The following NCEH1 variants were observed in gnomAD, a reference collection of about 807,000 sequenced individuals.
NCEH1 encodes the protein neutral cholesterol ester hydrolase 1, also known as 2-acetyl MAGE hydrolase.
Under a neutral mutation model 25.4 loss-of-function variants are expected in NCEH1, and 9 were observed. That is an observed-to-expected ratio of 0.35 (90% CI 0.21 to 0.62). The LOEUF (loss-of-function observed/expected upper bound fraction) is 0.62. NCEH1 is among the 20% of genes least tolerant of loss of function. NCEH1 has a pLI of 0.72. For synonymous variants in NCEH1, 200 were observed against 199.8 expected (o/e 1.00, Z -0.01); for missense variants, 412 against 501.1 (o/e 0.82, Z 1.70).
Position 172,634,179 on chromosome 3 carries a change from C to T in NCEH1, c.610-87G>A, listed in dbSNP as rs1021488143. ...CCCTGTAGAGTAGCTTCATGTGTTACTCTGAATCTGTCAATGGTATAAGTG... is the reference window on the plus strand; with the variant it reads ...CCCTGTAGAGTAGCTTCATGTGTTATTCTGAATCTGTCAATGGTATAAGTG... On this transcript the variant is annotated intron_variant, in intron 4 of 4. Coordinates refer to ENST00000475381, the MANE Select transcript of NCEH1 (RefSeq NM_020792.6). 10 of 1,266,374 alleles carry T rather than the reference C, an allele frequency of 7.9e-6. No individual in the cohort carries two copies. The African/African-American group carries it at 1.0e-4, about 13-fold the overall frequency. 78.4% of individuals were successfully genotyped at this position (1,266,374 alleles called of 1,614,324 possible). A position where few individuals can be genotyped will look rare whatever the true frequency, so the allele number is the denominator to read the frequency against.
rs922212801 is a variant in NCEH1, at chr3:172,668,195, A to C, written c.139-20081T>G. 6.6e-5 allele frequency among the ~76,000 whole-genome samples: 10 copies of C among 152,186 alleles called. 1 individual carries two copies. Among genetic ancestry groups the C allele is most frequent in the Non-Finnish European group, 1.5e-4 (10 of 68,038 alleles). ...CAGCAGATAATTTCAGAGATGAGCA[A>C]TATATCTCCTATAATACACCAAAAG... is the stretch of plus-strand genomic sequence containing the variant. On this transcript the variant is annotated intron_variant, in intron 1 of 4. Coordinates refer to ENST00000475381, the MANE Select transcript of NCEH1 (RefSeq NM_020792.6).
intron 3 of NCEH1, among the ~76,000 whole-genome samples, chr3:172,638,275 CCAAAAAAAAAAAAAA>C (rs1398842857): frequency 1.7e-3 from 138 of 81,936 alleles, no homozygotes; most frequent in Middle Eastern, 9.4e-3. Flanking sequence ...GAGACTCTGT[CCAAAAAAAAAAAAAA>C]AAAAAAAAAA....
At chr3:172,652,206 G>A (rs2108499794) in intron 1 of NCEH1, among the ~76,000 whole-genome samples, 1 of 152,334 alleles carries the variant, frequency 6.6e-6, no homozygotes, top group East Asian at 1.9e-4. Flanking sequence ...GCTGGTGAGG[G>A]AAAAACAGAA....
rs1005130893 is a variant in NCEH1, at chr3:172,702,886, A to G, written c.138+7961T>C. The stretch of plus-strand genomic sequence containing the variant: ...ACGCGCCTGTAGTCCCAGCTACTCA[A>G]AAGGCTGAGGCAGGAGGATCCCTTG... On this transcript the variant is annotated intron_variant, in intron 1 of 4. Coordinates refer to ENST00000475381, the MANE Select transcript of NCEH1 (RefSeq NM_020792.6). Among the ~76,000 whole-genome samples the G allele has an allele frequency of 4.6e-5, 7 of 152,198 alleles. No homozygotes were observed. In the East Asian group the frequency reaches 1.4e-3, roughly 29 times the overall value.
rs1051216001 is a variant in NCEH1, at chr3:172,633,407, G to C, written c.*68C>G. 1.4e-6 allele frequency: 2 copies of C among 1,452,546 alleles called. No individual in the cohort carries two copies. Among genetic ancestry groups the C allele is most frequent in the African/African-American group, 2.8e-5 (2 of 70,586 alleles). 90.0% of individuals were successfully genotyped at this position (1,452,546 alleles called of 1,614,324 possible). A position where few individuals can be genotyped will look rare whatever the true frequency, so the allele number is the denominator to read the frequency against. On this transcript the variant is annotated 3_prime_UTR_variant, in exon 5 of 5. Coordinates refer to ENST00000475381, the MANE Select transcript of NCEH1 (RefSeq NM_020792.6). Reference sequence around the variant, plus strand: ...GGAGGAAGAATTAGTCAACTAAAAAGTGCATGTCTTTCCAAAGCAGGTGTA... The same window carrying C: ...GGAGGAAGAATTAGTCAACTAAAAACTGCATGTCTTTCCAAAGCAGGTGTA...
At chr3:172,647,266 C>G (rs1717163478) in intron 2 of NCEH1, among the ~76,000 whole-genome samples, 1 of 152,198 alleles carries the variant, frequency 6.6e-6, no homozygotes, top group Admixed American at 6.5e-5. Context: ...TTGGGAGGTT[C>G]TCTTCTGGGC....
intron 1 of NCEH1, among the ~76,000 whole-genome samples, chr3:172,679,818 G>A (rs1712240887): frequency 6.6e-6 from 1 of 151,952 alleles, no homozygotes; most frequent in Admixed American, 6.6e-5. Flanking sequence ...AAGTGTGATG[G>A]CCGCCTCCAG....
chr3:172,675,216 T>C (rs539570525), intron 1 of NCEH1, among the ~76,000 whole-genome samples: 2 of 152,038 alleles, frequency 1.3e-5, no homozygotes, highest in African/African-American at 2.4e-5. Context: ...GACAGAAGAA[T>C]TGCTTGAACG....
At chr3:172,695,450 C>T (rs182905063) in intron 1 of NCEH1, among the ~76,000 whole-genome samples, 92 of 152,334 alleles carry the variant, frequency 6.0e-4, no homozygotes, top group African/African-American at 2.1e-3. Flanking sequence ...GACGATTTCT[C>T]TAGCTTTTGG....
intron 2 of NCEH1, among the ~76,000 whole-genome samples, chr3:172,647,518 C>A (rs905447293): frequency 1.3e-5 from 2 of 152,156 alleles, no homozygotes; most frequent in African/African-American, 4.8e-5. Flanking sequence ...TCCCCATATG[C>A]GTGCCTGGTG....
In NCEH1 at chr3:172,630,854, T is replaced by C. The variant is rs1036485673; in HGVS notation, c.*2621A>G. The C allele has an allele frequency of 3.3e-5, 5 of 152,216 alleles. No individual in the cohort carries two copies. Among genetic ancestry groups the C allele is most frequent in the South Asian group, 2.1e-4 (1 of 4,836 alleles). The allele number at this position is 152,216 out of a possible 1,614,324, so 9.4% of individuals were successfully genotyped here. ...TAAAATAGATCCACCAAGATAATTA[T>C]ATAATAGTCTTAAATTCTTCACAAA... On this transcript the variant is annotated 3_prime_UTR_variant, in exon 5 of 5. Transcript: ENST00000475381.
intron 1 of NCEH1, among the ~76,000 whole-genome samples, chr3:172,691,536 G>T (rs1713038467): frequency 6.6e-6 from 1 of 152,308 alleles, no homozygotes; most frequent in Non-Finnish European, 1.5e-5. Flanking sequence ...ACACAGTGGG[G>T]AAGTCCACAG....
chr3:172,653,261 C>T (rs1052992674), intron 1 of NCEH1, among the ~76,000 whole-genome samples: 2 of 152,052 alleles, frequency 1.3e-5, no homozygotes, highest in African/African-American at 4.8e-5. Context: ...GGCACTGGCT[C>T]CCTACCCAGG....
At chr3:172,690,071 T>C (rs986482649) in intron 1 of NCEH1, among the ~76,000 whole-genome samples, 1 of 151,436 alleles carries the variant, frequency 6.6e-6, no homozygotes, top group African/African-American at 2.4e-5. Context: ...GCCCGGCTAA[T>C]TTTTTGTATT....
intron 1 of NCEH1, among the ~76,000 whole-genome samples, chr3:172,696,887 G>A (rs573405591): frequency 2.0e-5 from 3 of 152,166 alleles, no homozygotes; most frequent in Non-Finnish European, 4.4e-5. Flanking sequence ...GTTAAACTTA[G>A]CTTATTTAAC....
In NCEH1 at chr3:172,633,750, G is replaced by C. The variant is rs1716475644; in HGVS notation, c.952C>G (p.Gln318Glu). Reference protein sequence around the residue: ...GNARIVQELPQLLDARSAPLI... With the variant: ...GNARIVQELPELLDARSAPLI... ...GGGGCGGAGCGGGCATCCAGCAACT[G>C]AGGAAGCTCCTGGACAATCCTGGCA... Residue 318 changes from glutamine (Q) to glutamate (E), a missense_variant, in exon 5 of 5, where the codon CAG (glutamine) becomes GAG (glutamate). Around this residue, in one of 3 missense-constraint regions of NCEH1, gnomAD observed 210 missense variants for 258.2 expected, o/e 0.81. Coordinates refer to ENST00000475381, the MANE Select transcript of NCEH1 (RefSeq NM_020792.6). The C allele has an allele frequency of 6.2e-7, 1 of 1,614,132 alleles. No homozygotes were observed. The highest frequency in any genetic ancestry group is 1.1e-5 in the South Asian group (1 of 91,094).
chr3:172,639,632 A>T (rs1716758910), intron 3 of NCEH1, among the ~76,000 whole-genome samples: 1 of 152,226 alleles, frequency 6.6e-6, no homozygotes, highest in Non-Finnish European at 1.5e-5. Flanking sequence ...AAGATGTTAT[A>T]TCATATTAAT....
chr3:172,661,634 C>T (rs1717977095), intron 1 of NCEH1, among the ~76,000 whole-genome samples: 1 of 152,006 alleles, frequency 6.6e-6, no homozygotes, highest in South Asian at 2.1e-4. Context: ...TGTTTGTGTC[C>T]TCTTTTATTT....
chr3:172,695,140 AG>A (rs934663955), intron 1 of NCEH1, among the ~76,000 whole-genome samples: 13 of 152,240 alleles, frequency 8.5e-5, no homozygotes, highest in African/African-American at 3.1e-4. Context: ...CCATACTCAT[AG>A]GCCAGATCTC....
Sources: gnomAD v4.1 joint callset for allele counts (sites outside exome capture counted in the v4.1 genomes callset) on GRCh38, gnomAD v4.1.1 for gene constraint, gnomAD v4.1.1 regional missense constraint, MANE v1.5 for transcripts, NCBI Gene and HGNC (gene_info 2026-07-23, HGNC 2026-07-21) for gene names.